NELFB: variants seen among roughly 807,000 people sequenced by gnomAD.
NELFB encodes the protein negative elongation factor B.
In NELFB, 34 loss-of-function variants were observed where a neutral mutation model predicts 60.2. The observed-to-expected ratio is 0.56, with a 90% confidence interval of 0.43 to 0.75. The LOEUF (loss-of-function observed/expected upper bound fraction) is 0.75. Ranked by LOEUF, NELFB falls within the 30% of genes least tolerant of loss-of-function variation. NELFB has a pLI of 0.00. For missense variants in NELFB, 770 were observed against 831.6 expected (o/e 0.93, Z 0.91); for synonymous variants, 459 against 382.1 (o/e 1.20, Z -2.35).
At position 137,256,059 on chromosome 9, in the gene NELFB, G is replaced by A. The variant is rs763854337; in HGVS notation, c.399G>A (p.Lys133=). The A allele has an allele frequency of 1.2e-6, 2 of 1,613,330 alleles. No homozygotes were observed. Among genetic ancestry groups the A allele is most frequent in the East Asian group, 2.2e-5 (1 of 44,858 alleles). ...TGTCAGCCATCGCTTCGGAGGGGAA[G>A]GCTGAGGAAAGGTGGGTCAGCGGGA... Residue 133 remains lysine, a synonymous_variant, in exon 2 of 13, where the codon AAG becomes AAA. Transcript: ENST00000343053.
intron 4 of NELFB, among the ~76,000 whole-genome samples, chr9:137,258,073 G>A (rs1837584970): frequency 6.7e-6 from 1 of 149,912 alleles, no homozygotes. Context: ...CTAAAGTGCT[G>A]GGATTACAGA....
At chr9:137,256,552 C>T in intron 3 of NELFB, 124 bp downstream of exon 3, 1 of 853,544 alleles carries the variant, frequency 1.2e-6, no homozygotes, top group Non-Finnish European at 1.9e-6. Context: ...CAAGTGCTGT[C>T]CATGGTGAGC....
chr9:137,271,676 T>A (rs1394173985), intron 10 of NELFB, among the ~76,000 whole-genome samples: 1 of 152,246 alleles, frequency 6.6e-6, no homozygotes, highest in African/African-American at 2.4e-5. Flanking sequence ...GGCCCTGTAT[T>A]TGTTAGGCTT....
At chr9:137,255,846 C>G (rs1424420634) in intron 1 of NELFB, 61 bp from the exon 2 acceptor site, 5 of 1,591,560 alleles carry the variant, frequency 3.1e-6, no homozygotes, top group Non-Finnish European at 4.3e-6. Flanking sequence ...CCTGTGCTCT[C>G]AGGACCTCGG....
At position 137,267,053 on chromosome 9, in the gene NELFB, C is replaced by T. The variant is rs1830527820; in HGVS notation, c.1349C>T (p.Ser450Leu). 20 of 1,614,104 alleles carry T rather than the reference C, an allele frequency of 1.2e-5. No individual in the cohort carries two copies. Among genetic ancestry groups the T allele is most frequent in the Non-Finnish European group, 1.7e-5 (20 of 1,180,020 alleles). The change falls in exon 9 of 13, where the codon TCA becomes TTA. Residue 450 changes from serine (S) to leucine (L), a missense_variant. Ser to Leu is a moderately radical substitution (Grantham distance 145). Transcript: ENST00000343053. The stretch of plus-strand genomic sequence containing the variant: ...CCGGCTGAGGAGAAAGCCCCAGTCT[C>T]ATATCCAAACACACTTCCCGAAAGC...
rs905493221 is a variant in NELFB at position 137,256,752 on chromosome 9, G to A, written c.511-72G>A. ...TCGAGGTGGTCTCTGCGGGGCTGAG[G>A]CCTCTTGGCTTGTCTTGAAGGAGAC... On this transcript the variant is annotated intron_variant, in intron 3 of 12. Transcript: ENST00000343053. 12 of 1,439,516 alleles carry A rather than the reference G, an allele frequency of 8.3e-6. No individual in the cohort carries two copies. The East Asian group carries it at 1.7e-4, about 20-fold the overall frequency. 89.2% of individuals were successfully genotyped at this position (1,439,516 alleles called of 1,614,324 possible).
At chr9:137,256,243 T>C in intron 2 of NELFB, 86 bp from the exon 3 acceptor site, 1 of 1,423,360 alleles carries the variant, frequency 7.0e-7, no homozygotes, top group Non-Finnish European at 9.9e-7. Flanking sequence ...AGGCTTGTCC[T>C]GGTAGCTGTT....
intron 4 of NELFB, among the ~76,000 whole-genome samples, chr9:137,259,541 C>T (rs572117135): frequency 2.6e-5 from 4 of 152,296 alleles, no homozygotes; most frequent in East Asian, 1.9e-4. Context: ...TTTCTCCTAT[C>T]GCCTGTCTCT....
At position 137,261,936 on chromosome 9, in the gene NELFB, G is replaced by A. The variant is rs376233611; in HGVS notation, c.742-1101G>A. ...TGATAGGTAAGGTCACGTGGTTCACGTGTCCGCTTGACAGGGGGCCCTTCC... is the reference window on the plus strand; with the variant it reads ...TGATAGGTAAGGTCACGTGGTTCACATGTCCGCTTGACAGGGGGCCCTTCC... On this transcript the variant is annotated intron_variant, in intron 4 of 12. Transcript: ENST00000343053. 8.5e-5 allele frequency among the ~76,000 whole-genome samples: 13 copies of A among 152,072 alleles called. No individual in the cohort carries two copies. In the East Asian group the frequency reaches 2.5e-3, roughly 29 times the overall value.
Position 137,265,937 on chromosome 9 carries a change from C to G in NELFB, c.1101C>G (p.Val367=). ...TCAACACGCTGGCACTGAGCACAGT[C>G]AGGCACCTGCAGGAGCTGGTCGGCC... The change falls in exon 7 of 13, where the codon GTC becomes GTG. Residue 367 remains valine (V), a synonymous_variant. Transcript: ENST00000343053. 1 of 1,613,134 alleles carries G rather than the reference C, an allele frequency of 6.2e-7. No homozygotes were observed. The highest frequency in any genetic ancestry group is 8.5e-7 in the Non-Finnish European group (1 of 1,179,922).
chr9:137,263,006 T>C (rs1250756642), intron 4 of NELFB, 31 bp from the exon 5 acceptor site: 8 of 1,603,888 alleles, frequency 5.0e-6, no homozygotes, highest in Non-Finnish European at 6.8e-6. Flanking sequence ...CCCAGGACGG[T>C]CTGGGGGCCT....
In NELFB at chr9:137,266,345, CCTG is replaced by C; in HGVS notation, c.1167_1169del (p.Leu390del). 1 of 1,612,882 alleles carries C rather than the reference CCTG, an allele frequency of 6.2e-7. No homozygotes were observed. The highest frequency in any genetic ancestry group is 8.5e-7 in the Non-Finnish European group (1 of 1,179,974). ...CCTCCCTACAGGACAGCCCCGACCT[CCTG>C]CTGCTGCTCCGGCTGCTGGCGCTGG... On this transcript the variant is annotated inframe_deletion, in exon 8 of 13. Coordinates refer to ENST00000343053, the MANE Select transcript of NELFB (RefSeq NM_015456.5).
rs1029978950 is a variant in NELFB at position 137,269,409 on chromosome 9, G to A, written c.1489+2063G>A. Among the ~76,000 whole-genome samples the A allele has an allele frequency of 6.6e-6, 1 of 152,140 alleles. No homozygotes were observed. Among genetic ancestry groups the A allele is most frequent in the African/African-American group, 2.4e-5 (1 of 41,420 alleles). ...GTGCTGCCGGCCGCCGGGCAGAGCCGGTTTGTTTATTTTTTGAGACTTCCG... is the reference window on the plus strand; with the variant it reads ...GTGCTGCCGGCCGCCGGGCAGAGCCAGTTTGTTTATTTTTTGAGACTTCCG... On this transcript the variant is annotated intron_variant, in intron 10 of 12. Transcript: ENST00000343053. The surrounding 1 kb of genome is among the most constrained non-coding windows in gnomAD (Gnocchi z 5.3).
chr9:137,263,549 G>A (rs1033783427), intron 5 of NELFB, among the ~76,000 whole-genome samples: 8 of 149,516 alleles, frequency 5.4e-5, no homozygotes, highest in African/African-American at 2.0e-4. Context: ...CTCTCCGTGG[G>A]TTTGGCTTGG....
rs914617495 is a variant in NELFB at position 137,256,333 on chromosome 9, A to G, written c.415A>G (p.Lys139Glu). 1 of 1,613,622 alleles carries G rather than the reference A, an allele frequency of 6.2e-7. No homozygotes were observed. The highest frequency in any genetic ancestry group is 1.1e-5 in the South Asian group (1 of 91,080). ...CAATCCTGTGAGTTGTTCCAGGTAC[A>G]AGAAGCTGGAAGACCTTCTGGAGAA... Residue 139 changes from lysine (K) to glutamate (E), a missense_variant, in exon 3 of 13, where the codon AAG (lysine) becomes GAG (glutamate). Coordinates refer to ENST00000343053, the MANE Select transcript of NELFB (RefSeq NM_015456.5).
intron 4 of NELFB, among the ~76,000 whole-genome samples, chr9:137,259,761 G>C (rs1830404439): frequency 6.6e-6 from 1 of 150,470 alleles, no homozygotes; most frequent in African/African-American, 2.4e-5. Flanking sequence ...GTCTTGCTCT[G>C]TCACCCAGGC....
intron 4 of NELFB, among the ~76,000 whole-genome samples, chr9:137,257,338 T>A (rs117520935): frequency 0.018 from 2,679 of 152,332 alleles, 83 homozygotes; most frequent in East Asian, 0.14. Flanking sequence ...ACTTTTTTTC[T>A]TTTTCTTTGA....
At position 137,273,119 on chromosome 9, in the gene NELFB, C is replaced by A; in HGVS notation, c.*191C>A. The A allele has an allele frequency of 1.8e-6, 1 of 547,876 alleles. No homozygotes were observed. Among genetic ancestry groups the A allele is most frequent in the South Asian group, 2.8e-5 (1 of 35,122 alleles). The allele number at this position is 547,876 out of a possible 1,614,324, so 33.9% of individuals were successfully genotyped here. A position where few individuals can be genotyped will look rare whatever the true frequency, so the allele number is the denominator to read the frequency against. ...TCCCGGACCTTGCCCACCATCCATG[C>A]AGTGGCTCCCAGGGCAGAGCCTCTC... is the stretch of plus-strand genomic sequence containing the variant. On this transcript the variant is annotated 3_prime_UTR_variant, in exon 13 of 13. Transcript: ENST00000343053.
chr9:137,262,331 G>A (rs1056824467), intron 4 of NELFB, among the ~76,000 whole-genome samples: 1 of 152,266 alleles, frequency 6.6e-6, no homozygotes, highest in Admixed American at 6.5e-5. Flanking sequence ...ACCCTGGTCC[G>A]CCTGGCAACG....
Sources: gnomAD v4.1 joint callset for allele counts (sites outside exome capture counted in the v4.1 genomes callset) on GRCh38, gnomAD v4.1.1 for gene constraint, Gnocchi (gnomAD v3.1) non-coding constraint, MANE v1.5 for transcripts, NCBI Gene and HGNC (gene_info 2026-07-23, HGNC 2026-07-21) for gene names.